The following ANKRD29 variants were observed in gnomAD, a reference collection of about 807,000 sequenced individuals.
ANKRD29 encodes ankyrin repeat domain 29.
A neutral mutation model predicts 38.0 loss-of-function variants in ANKRD29; 32 were observed. The ratio of observed to expected loss-of-function variants is 0.84; its 90% confidence interval spans 0.64 to 1.13. The LOEUF (loss-of-function observed/expected upper bound fraction) is 1.13, where lower values mean the gene tolerates loss of function less well. Ranked by LOEUF, ANKRD29 falls within the 50% of genes most tolerant of loss-of-function variation. The probability of loss-of-function intolerance (pLI) is 0.00; values close to 1 mark genes in which losing one functional copy is unlikely to be tolerated. For missense variants in ANKRD29, 357 were observed against 377.9 expected (o/e 0.94, Z 0.46); for synonymous variants, 135 against 152.4 (o/e 0.89, Z 0.84).
intron 4 of ANKRD29, among the ~76,000 whole-genome samples, chr18:23,638,275 C>T (rs896775758): frequency 3.3e-5 from 5 of 152,182 alleles, no homozygotes; most frequent in Non-Finnish European, 5.9e-5. Context: ...GTTGGGATTA[C>T]AGGCATGAAC....
At chr18:23,662,508 G>GGCAAACC (rs140581761) in intron 1 of ANKRD29, among the ~76,000 whole-genome samples, 3,227 of 152,246 alleles carry the variant, frequency 0.021, 109 homozygotes, top group African/African-American at 0.07. Flanking sequence ...AGGGCAGGCA[G>GGCAAACC]GCAAACCGCA....
At chr18:23,661,773 C>T (rs1568061523) in intron 1 of ANKRD29, among the ~76,000 whole-genome samples, 1 of 152,206 alleles carries the variant, frequency 6.6e-6, no homozygotes. Flanking sequence ...CACCTATGCA[C>T]TGGTCCAGTA....
rs1428201492 is a variant in ANKRD29, at chr18:23,646,206, T to C, written c.214A>G (p.Ile72Val). 6.2e-7 allele frequency: 1 copy of C among 1,614,160 alleles called. No homozygotes were observed. Among genetic ancestry groups the C allele is most frequent in the Admixed American group, 1.7e-5 (1 of 60,024 alleles). ...VRELVLQGAD[I>V]NLQRESGTTA... ...TGACCTACCTCTCTCTGGAGATTGA[T>C]GTCTGCTCCTTGCAGAACCAGTTCC... is the stretch of plus-strand genomic sequence containing the variant. Residue 72 changes from isoleucine (I) to valine (V), a missense_variant, in exon 3 of 10, where the codon ATC becomes GTC. Transcript: ENST00000592179.
chr18:23,609,851 C>G (rs748553249), intron 9 of ANKRD29, among the ~76,000 whole-genome samples: 1 of 152,228 alleles, frequency 6.6e-6, no homozygotes, highest in South Asian at 2.1e-4. Flanking sequence ...ATCACACAGC[C>G]AGGCCAGCTA....
In ANKRD29 at chr18:23,641,506, A is replaced by G. The variant is rs145957399; in HGVS notation, c.232-2559T>C. ...ATGCTTGAGGTGGTGTTGACATGCC[A>G]GCCTTGCCCCCCAACCTTGGCCCCC... is the stretch of plus-strand genomic sequence containing the variant. On this transcript the variant is annotated intron_variant, in intron 3 of 9. Transcript: ENST00000592179. Among the ~76,000 whole-genome samples, 10 of 152,348 alleles carry G rather than the reference A, an allele frequency of 6.6e-5. 1 individual carries two copies. Among genetic ancestry groups the G allele is most frequent in the Middle Eastern group, 6.8e-3 (2 of 294 alleles).
intron 8 of ANKRD29, among the ~76,000 whole-genome samples, chr18:23,616,550 G>GTATATATA (rs397702856): frequency 2.2e-5 from 3 of 134,170 alleles, no homozygotes; most frequent in Admixed American, 8.0e-5. Context: ...TATATATATA[G>GTATATATA]TATATATATA....
rs1568013693 is a variant in ANKRD29 at position 23,616,565 on chromosome 18, C to CTATATATACAGTATATATATATATATAT, written c.723+1166_723+1167insATATATATATATATATACTGTATATATA. ...TATATATATAGTATATATATATATA[C>CTATATATACAGTATATATATATATATAT]ACTATATATACAGTATATATATATA... On this transcript the variant is annotated intron_variant, in intron 8 of 9. Coordinates refer to ENST00000592179, the MANE Select transcript of ANKRD29 (RefSeq NM_173505.4). Among the ~76,000 whole-genome samples the CTATATATACAGTATATATATATATATAT allele has an allele frequency of 1.7e-4, 24 of 138,316 alleles. 1 individual carries two copies. Among genetic ancestry groups the CTATATATACAGTATATATATATATATAT allele is most frequent in the East Asian group, 2.2e-4 (1 of 4,604 alleles). 90.7% of individuals were successfully genotyped at this position (138,316 alleles called of 152,430 possible). A position where few individuals can be genotyped will look rare whatever the true frequency, so the allele number is the denominator to read the frequency against.
At chr18:23,647,323 A>G (rs2060152081) in intron 2 of ANKRD29, 1 of 152,242 alleles carries the variant, frequency 6.6e-6, no homozygotes, top group Non-Finnish European at 1.5e-5. Context: ...TAACATAGTA[A>G]TGGTAGATAT....
At chr18:23,646,756 A>G (rs1354758804) in intron 2 of ANKRD29, 1 of 153,448 alleles carries the variant, frequency 6.5e-6, no homozygotes, top group African/African-American at 2.4e-5. Context: ...CAGAGTTGAG[A>G]GTCAGGAGCT....
intron 1 of ANKRD29, among the ~76,000 whole-genome samples, chr18:23,656,255 G>A (rs1052757885): frequency 6.6e-6 from 1 of 151,972 alleles, no homozygotes; most frequent in East Asian, 1.9e-4. Flanking sequence ...AAAAGTAGAC[G>A]CAAAGGAGTC....
intron 4 of ANKRD29, among the ~76,000 whole-genome samples, chr18:23,635,998 G>A (rs902932871): frequency 1.2e-4 from 18 of 152,176 alleles, no homozygotes; most frequent in South Asian, 6.2e-4. Flanking sequence ...ACAGAATTGC[G>A]TAACAGCAGG....
chr18:23,646,089 A>T, intron 3 of ANKRD29, 100 bp downstream of exon 3: 1 of 1,106,368 alleles, frequency 9.0e-7, no homozygotes, highest in Non-Finnish European at 1.3e-6. Flanking sequence ...ATGTGGGAGA[A>T]AAGCAATGAT....
intron 3 of ANKRD29, among the ~76,000 whole-genome samples, chr18:23,644,044 C>T (rs1489565718): frequency 6.6e-6 from 1 of 152,174 alleles, no homozygotes; most frequent in African/African-American, 2.4e-5. Context: ...CAGGAACTTA[C>T]ATAGCACCAT....
intron 3 of ANKRD29, among the ~76,000 whole-genome samples, 157 bp downstream of exon 3, chr18:23,646,032 G>T (rs1033496358): frequency 2.0e-5 from 3 of 152,186 alleles, no homozygotes; most frequent in Non-Finnish European, 4.4e-5. Context: ...CTGCTAGTAC[G>T]TTGCTGGACC....
chr18:23,645,544 A>T (rs2060128076), intron 3 of ANKRD29, among the ~76,000 whole-genome samples: 1 of 152,176 alleles, frequency 6.6e-6, no homozygotes, highest in African/African-American at 2.4e-5. Context: ...ATTGCACTCC[A>T]GCCTGGGCCA....
intron 6 of ANKRD29, among the ~76,000 whole-genome samples, chr18:23,627,123 G>A (rs1457437800): frequency 6.6e-6 from 1 of 152,182 alleles, no homozygotes; most frequent in Non-Finnish European, 1.5e-5. Flanking sequence ...TACACTTTCA[G>A]AGAAGACGGA....
chr18:23,661,043 T>C (rs1259897212), intron 1 of ANKRD29, among the ~76,000 whole-genome samples: 2 of 152,244 alleles, frequency 1.3e-5, no homozygotes, highest in Non-Finnish European at 2.9e-5. Context: ...ATCAAGGTCC[T>C]CTTCATCTTT....
At chr18:23,635,494 C>G (rs1354961673) in intron 4 of ANKRD29, among the ~76,000 whole-genome samples, 2 of 152,136 alleles carry the variant, frequency 1.3e-5, no homozygotes, top group East Asian at 3.9e-4. Context: ...GGTGCTACAG[C>G]TAAGGCATTC....
intron 1 of ANKRD29, among the ~76,000 whole-genome samples, chr18:23,652,532 G>T (rs1356491695): frequency 2.0e-5 from 3 of 152,168 alleles, no homozygotes; most frequent in African/African-American, 7.2e-5. Context: ...CGTTCCTTCT[G>T]TTTGGGGTCT....
Sources: allele counts gnomAD v4.1 joint callset (sites outside exome capture counted in the v4.1 genomes callset), GRCh38; gene constraint gnomAD v4.1.1; transcripts MANE v1.5; gene names NCBI Gene and HGNC (gene_info 2026-07-23, HGNC 2026-07-21).